Variants in CCDC40 observed in about 807,000 individuals in gnomAD.
CCDC40 encodes coiled-coil domain-containing protein 40.
A neutral mutation model predicts 124.5 loss-of-function variants in CCDC40; 104 were observed. The ratio of observed to expected loss-of-function variants is 0.84; its 90% CI spans 0.71 to 0.98. The LOEUF is 0.98. Ranked by LOEUF, CCDC40 falls within the 50% of genes least tolerant of loss-of-function variation. The probability of loss-of-function intolerance (pLI) is 0.00; values close to 1 mark genes in which losing one functional copy is unlikely to be tolerated. For synonymous variants in CCDC40, 580 were observed against 602.9 expected (o/e 0.96, Z 0.56); for missense variants, 1,463 against 1,503.9 (o/e 0.97, Z 0.45).
rs377169531 is a variant in CCDC40, at chr17:80,095,463, C to T, written c.3021+12C>T. The T allele has an allele frequency of 1.5e-4, 247 of 1,613,414 alleles. No homozygotes were observed. In the African/African-American group the frequency reaches 2.5e-3, roughly 17 times the overall value. On this transcript the variant is annotated intron_variant, in intron 18 of 19. Transcript: ENST00000397545. ...GGGACGTTCGCAAGGTAGGGAGCAGCGGAAAGGAAACAGGGCGCCTGCTCC... is the reference window on the plus strand; with the variant it reads ...GGGACGTTCGCAAGGTAGGGAGCAGTGGAAAGGAAACAGGGCGCCTGCTCC...
chr17:80,073,356 G>A (rs1598521951), intron 10 of CCDC40, among the ~76,000 whole-genome samples: 1 of 152,112 alleles, frequency 6.6e-6, no homozygotes, highest in Admixed American at 6.5e-5. Context: ...TCTCTCCAGC[G>A]GTGCGTGCTC....
At position 80,095,325 on chromosome 17, in the gene CCDC40, T is replaced by G; in HGVS notation, c.2895T>G (p.Val965=). The change falls in exon 18 of 20, where the codon GTT becomes GTG. Residue 965 remains valine (V), a synonymous_variant. Transcript: ENST00000397545. The stretch of plus-strand genomic sequence containing the variant: ...TGATCCGTGCCATGGAGTTGGCGGT[T>G]GCCCGCAGAGAGACCGTCACCACCC... ...EKMIRAMELA[V]ARRETVTTQA... The G allele has an allele frequency of 6.2e-7, 1 of 1,614,066 alleles. No individual in the cohort carries two copies. The highest frequency in any genetic ancestry group is 8.5e-7 in the Non-Finnish European group (1 of 1,180,020).
intron 10 of CCDC40, among the ~76,000 whole-genome samples, chr17:80,072,217 T>C (rs2038209378): frequency 6.6e-6 from 1 of 152,222 alleles, no homozygotes; most frequent in African/African-American, 2.4e-5. Context: ...GAGGAGAACC[T>C]GTACTTTCTA....
chr17:80,084,525 T>A (rs1465045970), intron 12 of CCDC40, among the ~76,000 whole-genome samples: 1 of 152,108 alleles, frequency 6.6e-6, no homozygotes, highest in African/African-American at 2.4e-5. Context: ...AATACCATGA[T>A]CTCTCTTTTC....
At chr17:80,061,796 T>C (rs1372918506) in intron 9 of CCDC40, among the ~76,000 whole-genome samples, 1 of 152,134 alleles carries the variant, frequency 6.6e-6, no homozygotes, top group Non-Finnish European at 1.5e-5. Flanking sequence ...AAATACAGAT[T>C]GGCCTTTATC....
At position 80,048,706 on chromosome 17, in the gene CCDC40, G is replaced by A. The variant is rs753118092; in HGVS notation, c.800G>A (p.Ser267Asn). The A allele has an allele frequency of 4.3e-6, 7 of 1,614,052 alleles. No homozygotes were observed. In the South Asian group the frequency reaches 6.6e-5, roughly 15 times the overall value. ...AMAERVESEG[S>N]DEEAEDEGSQ... ...GCAGAGAGAGTGGAGTCCGAGGGGAGTGACGAGGAAGCAGAAGACGAAGGG... is the reference window on the plus strand; with the variant it reads ...GCAGAGAGAGTGGAGTCCGAGGGGAATGACGAGGAAGCAGAAGACGAAGGG... The change falls in exon 5 of 20, where the codon AGT (serine) becomes AAT (asparagine). Residue 267 changes from serine to asparagine, a missense_variant. By Grantham distance (46) the Ser-to-Asn change is conservative. Transcript: ENST00000397545.
chr17:80,071,490 C>T (rs80341424), intron 10 of CCDC40, among the ~76,000 whole-genome samples: 38 of 152,146 alleles, frequency 2.5e-4, no homozygotes, highest in Non-Finnish European at 4.7e-4. Flanking sequence ...CTCAGAGGCA[C>T]GGTGCCCAAT....
In CCDC40 at chr17:80,038,066, G is replaced by A. The variant is rs146081939; in HGVS notation, c.30-57G>A. 8,971 of 1,183,138 alleles carry A rather than the reference G, an allele frequency of 7.6e-3. 44 individuals carry two copies. The highest frequency in any genetic ancestry group is 8.7e-3 in the Non-Finnish European group (6,880 of 794,232). The allele number at this position is 1,183,138 out of a possible 1,614,324, so 73.3% of individuals were successfully genotyped here. Reference sequence around the variant, plus strand: ...ATGTGCAGAATTCAGGAGGGGATAAGGACCAAGAAAAAGAAAGCTGTTGCT... The same window carrying A: ...ATGTGCAGAATTCAGGAGGGGATAAAGACCAAGAAAAAGAAAGCTGTTGCT... On this transcript the variant is annotated intron_variant, in intron 1 of 19. Coordinates refer to ENST00000397545, the MANE Select transcript of CCDC40 (RefSeq NM_017950.4).
At chr17:80,051,448 T>G (rs2037586370) in intron 7 of CCDC40, 1 of 173,402 alleles carries the variant, frequency 5.8e-6, no homozygotes, top group South Asian at 1.9e-4. Flanking sequence ...GCTAAAACGG[T>G]GAAACCCCGT....
chr17:80,071,472 C>G (rs565856049), intron 10 of CCDC40, among the ~76,000 whole-genome samples: 11 of 152,332 alleles, frequency 7.2e-5, no homozygotes, highest in Admixed American at 3.9e-4. Context: ...TGTGTCCCCC[C>G]CTTAATCCTC....
intron 9 of CCDC40, among the ~76,000 whole-genome samples, chr17:80,062,622 C>G (rs762070020): frequency 1.1e-4 from 16 of 152,106 alleles, no homozygotes; most frequent in Admixed American, 2.0e-4. Flanking sequence ...CTCTGTCCCC[C>G]AGGCTGGAGT....
At chr17:80,057,090 T>A (rs1157827422) in intron 7 of CCDC40, among the ~76,000 whole-genome samples, 6 of 150,082 alleles carry the variant, frequency 4.0e-5, no homozygotes, top group Non-Finnish European at 8.9e-5. Context: ...TTAGAGGAAA[T>A]TACTTTGGAA....
At chr17:80,053,211 A>G (rs1385095715) in intron 7 of CCDC40, among the ~76,000 whole-genome samples, 1 of 152,248 alleles carries the variant, frequency 6.6e-6, no homozygotes, top group Non-Finnish European at 1.5e-5. Context: ...TGCAGCTGAA[A>G]GAGAAAATAA....
intron 10 of CCDC40, among the ~76,000 whole-genome samples, chr17:80,069,445 G>A (rs1338873448): frequency 1.3e-5 from 2 of 152,108 alleles, no homozygotes; most frequent in South Asian, 2.1e-4. Context: ...TGTTTAAGTC[G>A]ACCTGAGGAA....
chr17:80,058,788 G>C lies in CCDC40; in HGVS notation c.1318-70G>C. 1 of 1,612,278 alleles carries C rather than the reference G, an allele frequency of 6.2e-7. No homozygotes were observed. The highest frequency in any genetic ancestry group is 2.2e-5 in the East Asian group (1 of 44,868). ...CCTGGGTGGCGTCAACTTGTATCAAGGGTTGGTGGAGAACAGGCCCTCAGC... is the reference window on the plus strand; with the variant it reads ...CCTGGGTGGCGTCAACTTGTATCAACGGTTGGTGGAGAACAGGCCCTCAGC... On this transcript the variant is annotated intron_variant, in intron 8 of 19. Coordinates refer to ENST00000397545, the MANE Select transcript of CCDC40 (RefSeq NM_017950.4). The surrounding 1 kb of genome is among the most constrained non-coding windows in gnomAD (Gnocchi z 4.2).
In CCDC40 at chr17:80,071,221, C is replaced by T. The variant is rs568975937; in HGVS notation, c.1562+5615C>T. ...CCTGGGACTTGGAGCCAAAAGCACC[C>T]GTGCTCTTACCTGCCTTTGTCCTAT... is the stretch of plus-strand genomic sequence containing the variant. On this transcript the variant is annotated intron_variant, in intron 10 of 19. Transcript: ENST00000397545. 3.3e-5 allele frequency among the ~76,000 whole-genome samples: 5 copies of T among 152,332 alleles called. No homozygotes were observed. In the East Asian group the frequency reaches 7.7e-4, roughly 23 times the overall value.
chr17:80,040,156 C>T lies in CCDC40; in HGVS notation c.438C>T (p.Thr146=), dbSNP rs147879748. ...TCCAAGGCTTCCAGCAAGAGGCCACCGGTCCACCAGAATCCAGAGAAAGGA... is the reference window on the plus strand; with the variant it reads ...TCCAAGGCTTCCAGCAAGAGGCCACTGGTCCACCAGAATCCAGAGAAAGGA... The part of the protein sequence containing the change: ...AGLQGFQQEA[T]GPPESRERRV... Residue 146 remains threonine, a synonymous_variant, in exon 3 of 20, where the codon ACC becomes ACT. Coordinates refer to ENST00000397545, the MANE Select transcript of CCDC40 (RefSeq NM_017950.4). 2.7e-5 allele frequency: 43 copies of T among 1,613,918 alleles called. No homozygotes were observed. Among genetic ancestry groups the T allele is most frequent in the Middle Eastern group, 1.7e-4 (1 of 6,058 alleles).
intron 17 of CCDC40, among the ~76,000 whole-genome samples, chr17:80,091,243 T>C (rs2038715660): frequency 6.6e-6 from 1 of 152,000 alleles, no homozygotes; most frequent in African/African-American, 2.4e-5. Flanking sequence ...GTTGGTGTTA[T>C]TGTTTTGTCC....
In CCDC40 at chr17:80,099,613, C is replaced by T. The variant is rs962223223; in HGVS notation, c.3267C>T (p.Ser1089=). The change falls in exon 20 of 20, where the codon TCC becomes TCT. Residue 1089 remains serine (S), a synonymous_variant. Coordinates refer to ENST00000397545, the MANE Select transcript of CCDC40 (RefSeq NM_017950.4). ...KEGRYVFLFR[S]KQSLVLERQR... ...GGCGCTACGTGTTCCTGTTCCGCTC[C>T]AAGCAGTCCCTAGTGCTGGAGCGCC... 6.2e-7 allele frequency: 1 copy of T among 1,613,796 alleles called. No individual in the cohort carries two copies. Among genetic ancestry groups the T allele is most frequent in the Non-Finnish European group, 8.5e-7 (1 of 1,180,020 alleles).
Sources: gnomAD v4.1 joint callset for allele counts (sites outside exome capture counted in the v4.1 genomes callset) on GRCh38, gnomAD v4.1.1 for gene constraint, Gnocchi (gnomAD v3.1) non-coding constraint, MANE v1.5 for transcripts, NCBI Gene and HGNC (gene_info 2026-07-23, HGNC 2026-07-21) for gene names.